ANKFN1: variants seen among roughly 807,000 people sequenced by gnomAD.
The protein encoded by ANKFN1 is ankyrin repeat and fibronectin type III domain containing 1, also known as ankyrin repeat and fibronectin type-III domain-containing protein 1.
A neutral mutation model predicts 108.7 loss-of-function variants in ANKFN1; 74 were observed. That is an observed-to-expected ratio of 0.68 (90% CI 0.56 to 0.83). The LOEUF is 0.83. ANKFN1 is among the 40% of genes least tolerant of loss of function. The pLI is 0.00. For missense variants in ANKFN1, 1,505 were observed against 1,382.3 expected, an observed-to-expected ratio of 1.09 and a Z score of -1.41; for synonymous variants, 547 against 516.2, an observed-to-expected ratio of 1.06 and a Z score of -0.81.
At chr17:56,199,174 G>T in intron 1 of ANKFN1, among the ~76,000 whole-genome samples, 2 of 148,126 alleles carry the variant, frequency 1.4e-5, no homozygotes, top group Non-Finnish European at 1.5e-5. Flanking sequence ...ACATTTTGTG[G>T]TTTTGTAGTT....
chr17:56,169,117 C>A (rs1217022560), intron 1 of ANKFN1, among the ~76,000 whole-genome samples: 1 of 152,138 alleles, frequency 6.6e-6, no homozygotes, highest in South Asian at 2.1e-4. Context: ...CAGAAATCAT[C>A]TGAAGGCCTG....
rs118006818 is a variant in ANKFN1 at position 56,341,778 on chromosome 17, T to C, written c.189-8988T>C. ...TGGCCTAAAGTTTTTTTTTTTATTA[T>C]AGCTCTGCCAGGTTTTGGTATCAGG... On this transcript the variant is annotated intron_variant, in intron 4 of 20. Coordinates refer to ENST00000682825, the MANE Select transcript of ANKFN1 (RefSeq NM_001370326.1). Among the ~76,000 whole-genome samples, 207 of 152,004 alleles carry C rather than the reference T, an allele frequency of 1.4e-3. 4 individuals are homozygous for C. The East Asian group carries it at 0.032, about 23-fold the overall frequency.
At chr17:56,135,636 AG>A (rs1907554063) in intron 4 of ANKFN1, among the ~76,000 whole-genome samples, 2 of 152,168 alleles carry the variant, frequency 1.3e-5, no homozygotes, top group South Asian at 4.1e-4. Context: ...TGCAGCTCCA[AG>A]ATGCTTTCTT....
At chr17:56,319,567 C>T (rs1268865963) in intron 3 of ANKFN1, among the ~76,000 whole-genome samples, 1 of 152,114 alleles carries the variant, frequency 6.6e-6, no homozygotes, top group East Asian at 1.9e-4. Flanking sequence ...TCCAGATATC[C>T]CTATACAAAG....
intron 2 of ANKFN1, among the ~76,000 whole-genome samples, chr17:56,218,959 G>A (rs1915645274): frequency 1.3e-5 from 2 of 151,936 alleles, no homozygotes; most frequent in East Asian, 3.9e-4. Context: ...TGCTCCTATA[G>A]GTACCCCAGG....
intron 8 of ANKFN1, among the ~76,000 whole-genome samples, chr17:56,420,424 CTTTT>C (rs1206483174): frequency 6.6e-6 from 1 of 152,070 alleles, no homozygotes; most frequent in East Asian, 1.9e-4. Flanking sequence ...CAAACTATTT[CTTTT>C]GTTTTTTAAT....
chr17:56,068,895 C>G (rs1202890008), intron 4 of ANKFN1, among the ~76,000 whole-genome samples: 1 of 152,124 alleles, frequency 6.6e-6, no homozygotes, highest in African/African-American at 2.4e-5. Flanking sequence ...GTATGTATTT[C>G]TAAAACCCTC....
At chr17:56,265,833 G>A (rs1317166993) in intron 3 of ANKFN1, among the ~76,000 whole-genome samples, 1 of 152,010 alleles carries the variant, frequency 6.6e-6, no homozygotes, top group Admixed American at 6.6e-5. Context: ...GTTTTTATTT[G>A]TATTCTTTTT....
At chr17:56,320,058 T>C (rs770399754) in intron 3 of ANKFN1, among the ~76,000 whole-genome samples, 4 of 152,194 alleles carry the variant, frequency 2.6e-5, no homozygotes, top group Non-Finnish European at 4.4e-5. Context: ...GATTAATCTC[T>C]CTGAACCTGA....
At chr17:56,319,434 T>A (rs1244223696) in intron 3 of ANKFN1, among the ~76,000 whole-genome samples, 1 of 152,206 alleles carries the variant, frequency 6.6e-6, no homozygotes, top group Non-Finnish European at 1.5e-5. Flanking sequence ...AAAAATCATC[T>A]TTGGCTTTGA....
chr17:56,270,874 C>T (rs182444258), intron 3 of ANKFN1, among the ~76,000 whole-genome samples: 1 of 152,176 alleles, frequency 6.6e-6, no homozygotes, highest in African/African-American at 2.4e-5. Flanking sequence ...TCTTCAGATA[C>T]TCCTCTTCCC....
At chr17:56,262,206 C>G (rs1004501221) in intron 3 of ANKFN1, among the ~76,000 whole-genome samples, 3 of 152,160 alleles carry the variant, frequency 2.0e-5, no homozygotes, top group Non-Finnish European at 4.4e-5. Context: ...CGACCCTCTC[C>G]CCAACACAGA....
intron 18 of ANKFN1, among the ~76,000 whole-genome samples, chr17:56,487,950 T>C (rs2050906750): frequency 1.3e-5 from 2 of 152,210 alleles, no homozygotes; most frequent in Non-Finnish European, 2.9e-5. Flanking sequence ...TTGTGATGGA[T>C]GCTTAAGGCA....
chr17:56,444,106 G>A (rs944552568), intron 10 of ANKFN1, among the ~76,000 whole-genome samples: 2 of 152,138 alleles, frequency 1.3e-5, no homozygotes, highest in Non-Finnish European at 2.9e-5. Context: ...GTGTGGTAGG[G>A]AGAACAAATA....
At chr17:56,111,635 T>C (rs1905971128) in intron 4 of ANKFN1, among the ~76,000 whole-genome samples, 1 of 152,074 alleles carries the variant, frequency 6.6e-6, no homozygotes, top group African/African-American at 2.4e-5. Context: ...AATAAGCATC[T>C]TAGGTGACAT....
In ANKFN1 at chr17:56,511,103, T is replaced by C. The variant is rs945292089; in HGVS notation, c.3275T>C (p.Val1092Ala). 1.7e-5 allele frequency: 26 copies of C among 1,535,874 alleles called. 1 individual carries two copies. Among genetic ancestry groups the C allele is most frequent in the Non-Finnish European group, 2.1e-5 (24 of 1,146,856 alleles). ...AGGCCTTCCGTCCGCCGCCTCTACG[T>C]GGAGCCCTACGCAGCGGCCGTGGTG... is the stretch of plus-strand genomic sequence containing the variant. ...DARPSVRRLY[V>A]EPYAAAVVAQ... Residue 1092 changes from valine (V) to alanine (A), a missense_variant, in exon 21 of 21, where the codon GTG (valine) becomes GCG (alanine). Coordinates refer to ENST00000682825, the MANE Select transcript of ANKFN1 (RefSeq NM_001370326.1).
upstream of ANKFN1, among the ~76,000 whole-genome samples, chr17:56,151,614 C>T (rs1353535661): frequency 6.6e-6 from 1 of 152,102 alleles, no homozygotes; most frequent in Admixed American, 6.5e-5. Context: ...AAGAAATAAG[C>T]ACGTACCATG....
At chr17:56,389,544 C>T (rs1272878432) in intron 8 of ANKFN1, among the ~76,000 whole-genome samples, 1 of 151,494 alleles carries the variant, frequency 6.6e-6, no homozygotes, top group African/African-American at 2.4e-5. Context: ...GTCACTTCTC[C>T]TTTTTATTCA....
In ANKFN1 at chr17:56,263,745, G is replaced by A. The variant is rs1319808384; in HGVS notation, c.53+35788G>A. On this transcript the variant is annotated intron_variant, in intron 3 of 20. Coordinates refer to ENST00000682825, the MANE Select transcript of ANKFN1 (RefSeq NM_001370326.1). ...AATAACAGAGGGGAGAGAAAGATCC[G>A]AGGTCTTCAGGCTATACTTCCAAGC... Among the ~76,000 whole-genome samples the A allele has an allele frequency of 1.3e-5, 2 of 152,188 alleles. 1 individual carries two copies. The highest frequency in any genetic ancestry group is 2.9e-5 in the Non-Finnish European group (2 of 68,040).
Sources: gnomAD v4.1 joint callset for allele counts (sites outside exome capture counted in the v4.1 genomes callset) on GRCh38, gnomAD v4.1.1 for gene constraint, MANE v1.5 for transcripts, NCBI Gene and HGNC (gene_info 2026-07-23, HGNC 2026-07-21) for gene names.